The following RARB variants were observed in gnomAD, a reference collection of about 807,000 sequenced individuals.
The protein encoded by RARB is HBV-activated protein.
RARB carries 17 observed loss-of-function variants against 51.9 expected under a neutral mutation model. That is an observed-to-expected ratio of 0.33 (90% CI 0.22 to 0.49). RARB has a LOEUF of 0.49. RARB is among the 20% of genes least tolerant of loss of function. The probability of loss-of-function intolerance (pLI) is 0.99; values close to 1 mark genes in which losing one functional copy is unlikely to be tolerated. For synonymous variants in RARB, 215 were observed against 195.4 expected (o/e 1.10, Z -0.84); for missense variants, 369 against 550.8 (o/e 0.67, Z 3.30).
At chr3:25,042,374 A>G (rs1698130751) in intron 2 of RARB, among the ~76,000 whole-genome samples, 1 of 152,180 alleles carries the variant, frequency 6.6e-6, no homozygotes, top group Non-Finnish European at 1.5e-5. Context: ...GTCCAGAGCC[A>G]AGACTATTGT....
intron 1 of RARB, among the ~76,000 whole-genome samples, chr3:25,438,655 A>G (rs1708534430): frequency 6.6e-6 from 1 of 152,196 alleles, no homozygotes; most frequent in African/African-American, 2.4e-5. Flanking sequence ...AAGTCCCATG[A>G]AAGGCTTTTC....
At chr3:25,174,370 G>A in exon 5 of RARB, 3 of 1,350,016 alleles carry the variant, frequency 2.2e-6, no homozygotes, top group Non-Finnish European at 2.9e-6. Context: ...CTGCTCCAGA[G>A]CACCTTTCTT....
chr3:25,114,761 G>A (rs1192132953), intron 3 of RARB, among the ~76,000 whole-genome samples: 2 of 152,300 alleles, frequency 1.3e-5, no homozygotes, highest in African/African-American at 2.4e-5. Flanking sequence ...CCTCTGGCAA[G>A]ATCAGGAAAG....
At chr3:25,210,444 G>A (rs1035542961) in intron 5 of RARB, among the ~76,000 whole-genome samples, 1 of 149,218 alleles carries the variant, frequency 6.7e-6, no homozygotes, top group Admixed American at 6.7e-5. Context: ...TCACTTATGT[G>A]TTATATATGG....
chr3:25,294,716 G>A (rs1344876515), intron 5 of RARB, among the ~76,000 whole-genome samples: 3 of 87,146 alleles, frequency 3.4e-5, no homozygotes, highest in Non-Finnish European at 6.5e-5. Context: ...CCAACGGCCC[G>A]TTGGCGGAAG....
chr3:25,377,492 A>G lies in RARB; in HGVS notation c.179-83701A>G, dbSNP rs971976213. 6.6e-5 allele frequency among the ~76,000 whole-genome samples: 10 copies of G among 152,182 alleles called. 1 individual carries two copies. The highest frequency in any genetic ancestry group is 3.9e-4 in the Admixed American group (6 of 15,258). On this transcript the variant is annotated intron_variant, in intron 5 of 11. Coordinates refer to the RARB transcript ENST00000383772. Reference sequence around the variant, plus strand: ...CAAATGTTGCTTTTTTATTTTACTTAAAGTACAGTAGTAGAAAATAGCTTT... The same window carrying G: ...CAAATGTTGCTTTTTTATTTTACTTGAAGTACAGTAGTAGAAAATAGCTTT...
intron 1 of RARB, among the ~76,000 whole-genome samples, chr3:24,831,232 G>C (rs754826013): frequency 7.2e-5 from 11 of 152,136 alleles, no homozygotes; most frequent in Non-Finnish European, 1.2e-4. Context: ...AAAATAGCCA[G>C]ACAAAAATAA....
intron 3 of RARB, among the ~76,000 whole-genome samples, chr3:25,521,031 G>C (rs1175189833): frequency 6.6e-6 from 1 of 152,146 alleles, no homozygotes; most frequent in African/African-American, 2.4e-5. Flanking sequence ...CTGTCAAAGT[G>C]CTTTGAGAAA....
intron 1 of RARB, among the ~76,000 whole-genome samples, chr3:24,832,007 A>G (rs890837552): frequency 6.6e-5 from 10 of 152,212 alleles, no homozygotes; most frequent in Non-Finnish European, 1.5e-4. Flanking sequence ...TTCAGCAGAA[A>G]CTTAAGTTAT....
intron 2 of RARB, among the ~76,000 whole-genome samples, chr3:24,914,244 C>G (rs887846914): frequency 6.6e-6 from 1 of 152,188 alleles, no homozygotes; most frequent in African/African-American, 2.4e-5. Context: ...ATGCTCAAAT[C>G]TCTTGATGAG....
At chr3:25,478,067 T>C (rs894947384) in intron 2 of RARB, among the ~76,000 whole-genome samples, 2 of 152,172 alleles carry the variant, frequency 1.3e-5, no homozygotes, top group Non-Finnish European at 2.9e-5. Flanking sequence ...CTCAGAGTTG[T>C]CAGACCTATT....
chr3:25,082,013 A>G (rs1045403023), intron 3 of RARB, among the ~76,000 whole-genome samples: 9 of 152,158 alleles, frequency 5.9e-5, no homozygotes, highest in African/African-American at 2.2e-4. Context: ...TTTACTTTTT[A>G]TGATTGCTAT....
At position 25,283,856 on chromosome 3, in the gene RARB, C is replaced by T. The variant is rs372219622; in HGVS notation, c.178+109281C>T. On this transcript the variant is annotated intron_variant, in intron 5 of 11. Transcript: ENST00000383772. ...GCATTTGGATGAGTGGGGCAGGCAG[C>T]CTTCTCTAGTAGCGCTCAGTGATCC... Among the ~76,000 whole-genome samples, 5 of 152,272 alleles carry T rather than the reference C, an allele frequency of 3.3e-5. No individual in the cohort carries two copies. The South Asian group carries it at 1.0e-3, about 32-fold the overall frequency.
At chr3:24,950,713 GAA>G (rs71622789) in intron 2 of RARB, among the ~76,000 whole-genome samples, 2 of 94,044 alleles carry the variant, frequency 2.1e-5, no homozygotes, top group Admixed American at 9.6e-5. Context: ...GCAGGAAAAG[GAA>G]AAAAAAAAAA....
chr3:25,199,702 T>G (rs1701341839), intron 5 of RARB, among the ~76,000 whole-genome samples: 1 of 152,204 alleles, frequency 6.6e-6, no homozygotes, highest in Admixed American at 6.5e-5. Context: ...AGTGTTTGGT[T>G]TCTTGACCTT....
chr3:25,249,575 A>G (rs1702652935), intron 5 of RARB, among the ~76,000 whole-genome samples: 1 of 148,900 alleles, frequency 6.7e-6, no homozygotes. Flanking sequence ...AATTTTTTTT[A>G]ATTTGCTTTT....
chr3:25,466,504 G>C lies in RARB; in HGVS notation c.306+5163G>C, dbSNP rs558158591. On this transcript the variant is annotated intron_variant, in intron 2 of 7. Transcript: ENST00000330688. ...AGCCACCGCTCCCAGCCTATCGTTTGTTTTATCATTAAGTTATTATAATGA... is the reference window on the plus strand; with the variant it reads ...AGCCACCGCTCCCAGCCTATCGTTTCTTTTATCATTAAGTTATTATAATGA... Among the ~76,000 whole-genome samples, 6 of 152,322 alleles carry C rather than the reference G, an allele frequency of 3.9e-5. No homozygotes were observed. The East Asian group carries it at 1.2e-3, about 29-fold the overall frequency.
intron 3 of RARB, among the ~76,000 whole-genome samples, chr3:25,515,515 AG>A (rs929124087): frequency 2.0e-5 from 3 of 152,140 alleles, no homozygotes; most frequent in East Asian, 1.9e-4. Context: ...CCTGGGGGGG[AG>A]GGGGAACAAA....
At chr3:25,489,808 G>T (rs1358426345) in intron 2 of RARB, among the ~76,000 whole-genome samples, 2 of 152,232 alleles carry the variant, frequency 1.3e-5, no homozygotes, top group African/African-American at 4.8e-5. Context: ...GGGGGCCTGG[G>T]TAAGTATGAC....
Sources: allele counts gnomAD v4.1 joint callset (sites outside exome capture counted in the v4.1 genomes callset), GRCh38; gene constraint gnomAD v4.1.1; transcripts MANE v1.5; gene names NCBI Gene and HGNC (gene_info 2026-07-23, HGNC 2026-07-21).